Variants in USP35 observed in about 807,000 individuals in gnomAD.
USP35 encodes the protein ubiquitin carboxyl-terminal hydrolase 35.
A neutral mutation model predicts 83.8 loss-of-function variants in USP35; 69 were observed. That is an observed-to-expected ratio of 0.82 (90% CI 0.68 to 1.01). The LOEUF (loss-of-function observed/expected upper bound fraction) is 1.01. Ranked by LOEUF, USP35 falls within the 50% of genes least tolerant of loss-of-function variation. The pLI, the probability that USP35 is intolerant of heterozygous loss-of-function variation, is 0.00. For synonymous variants in USP35, 714 were observed against 589.5 expected (o/e 1.21, Z -3.06); for missense variants, 1,503 against 1,362.5 (o/e 1.10, Z -1.62).
chr11:78,210,406 G>T lies in USP35; in HGVS notation c.2551G>T (p.Val851Leu), dbSNP rs1246132230. 1 of 1,614,004 alleles carries T rather than the reference G, an allele frequency of 6.2e-7. No individual in the cohort carries two copies. Among genetic ancestry groups the T allele is most frequent in the South Asian group, 1.1e-5 (1 of 91,090 alleles). ...RGQAYDLCSV[V>L]VHSGVSSESG... ...CCAGGCCTATGACCTCTGCAGTGTGGTGGTGCACTCTGGAGTGTCTTCGGA... is the reference window on the plus strand; with the variant it reads ...CCAGGCCTATGACCTCTGCAGTGTGTTGGTGCACTCTGGAGTGTCTTCGGA... Residue 851 changes from valine (V) to leucine (L), a missense_variant, in exon 10 of 11, where the codon GTG (valine) becomes TTG (leucine). Val to Leu is a conservative substitution (Grantham distance 32). Coordinates refer to ENST00000529308, the MANE Select transcript of USP35 (RefSeq NM_020798.4).
chr11:78,209,797 A>G lies in USP35; in HGVS notation c.1942A>G (p.Ile648Val), dbSNP rs1245269327. ...VGPRRQRKHC[I>V]TEDTPPTSLY... ...TCCTCGGAGGCAAAGGAAACACTGC[A>G]TCACAGAGGACACCCCCCCCACCAG... Residue 648 changes from isoleucine to valine, a missense_variant, in exon 10 of 11, where the codon ATC (isoleucine) becomes GTC (valine). Physicochemically the swap from Ile to Val is conservative, Grantham distance 29. Transcript: ENST00000529308. 8 of 1,613,884 alleles carry G rather than the reference A, an allele frequency of 5.0e-6. No homozygotes were observed. Among genetic ancestry groups the G allele is most frequent in the East Asian group, 2.2e-5 (1 of 44,850 alleles).
intron 1 of USP35, among the ~76,000 whole-genome samples, chr11:78,195,338 G>T (rs929478510): frequency 6.6e-6 from 1 of 152,186 alleles, no homozygotes; most frequent in Non-Finnish European, 1.5e-5. Flanking sequence ...AGAGCATGGT[G>T]GTCGTGGGGG....
chr11:78,206,723 G>C lies in USP35; in HGVS notation c.1391+688G>C, dbSNP rs576801196. On this transcript the variant is annotated intron_variant, in intron 7 of 10. Coordinates refer to ENST00000529308, the MANE Select transcript of USP35 (RefSeq NM_020798.4). ...TTACTAGAAAAACGGTCACGTGCTTGTATGGTGGTTGTGATGTTAAAATGC... is the reference window on the plus strand; with the variant it reads ...TTACTAGAAAAACGGTCACGTGCTTCTATGGTGGTTGTGATGTTAAAATGC... 2.8e-4 allele frequency among the ~76,000 whole-genome samples: 43 copies of C among 152,332 alleles called. 1 individual carries two copies. In the South Asian group the frequency reaches 8.3e-3, roughly 29 times the overall value.
At chr11:78,233,902 C>A in the USP35 span, among the ~76,000 whole-genome samples, 10 of 152,234 alleles carry the variant, frequency 6.6e-5, no homozygotes, top group African/African-American at 9.6e-5. Context: ...TGGGCCACCA[C>A]GCCCAGCCCA....
At position 78,214,234 on chromosome 11, in the gene USP35, A is replaced by AGAGAGGCGG. The variant is rs1275222810; in HGVS notation, c.*422_*423insAGAGGCGGG. Reference sequence around the variant, plus strand: ...ACAGCAGGATCCAAGCCTTGCACAAAGGGGTGGGGGGGGCAGTGTCTCCTC... The same window carrying AGAGAGGCGG: ...ACAGCAGGATCCAAGCCTTGCACAAAGAGAGGCGGGGGGTGGGGGGGGCAGTGTCTCCTC... On this transcript the variant is annotated 3_prime_UTR_variant, in exon 11 of 11. Coordinates refer to ENST00000529308, the MANE Select transcript of USP35 (RefSeq NM_020798.4). The AGAGAGGCGG allele has an allele frequency of 4.4e-4, 42 of 96,190 alleles. 1 individual carries two copies. Among genetic ancestry groups the AGAGAGGCGG allele is most frequent in the African/African-American group, 2.1e-3 (42 of 19,646 alleles). The allele number at this position is 96,190 out of a possible 1,614,324, so 6.0% of individuals were successfully genotyped here.
In USP35 at chr11:78,199,744, C is replaced by T. The variant is rs756256371; in HGVS notation, c.936+20C>T. On this transcript the variant is annotated intron_variant, in intron 4 of 10. Coordinates refer to ENST00000529308, the MANE Select transcript of USP35 (RefSeq NM_020798.4). ...GAGAAGGTTGGTGCCCCTGTCCTAG[C>T]CCAGAGTTACAGCCTTTTGTACTAG... The T allele has an allele frequency of 3.1e-6, 5 of 1,614,126 alleles. No individual in the cohort carries two copies. Among genetic ancestry groups the T allele is most frequent in the Non-Finnish European group, 3.4e-6 (4 of 1,179,994 alleles).
chr11:78,213,887 C>A lies in USP35; in HGVS notation c.*74C>A. The A allele has an allele frequency of 2.0e-6, 3 of 1,499,496 alleles. No homozygotes were observed. In the South Asian group the frequency reaches 4.1e-5, roughly 20 times the overall value. 92.9% of individuals were successfully genotyped at this position (1,499,496 alleles called of 1,614,324 possible). A position where few individuals can be genotyped will look rare whatever the true frequency, so the allele number is the denominator to read the frequency against. The stretch of plus-strand genomic sequence containing the variant: ...GCCTGAGGGAAGCTGTGGAGGCAGG[C>A]CCTACCAAGAGGAAGGATGGTACAG... On this transcript the variant is annotated 3_prime_UTR_variant, in exon 11 of 11. Coordinates refer to ENST00000529308, the MANE Select transcript of USP35 (RefSeq NM_020798.4).
the USP35 span, among the ~76,000 whole-genome samples, chr11:78,227,469 A>G: frequency 6.6e-6 from 1 of 152,108 alleles, no homozygotes; most frequent in Non-Finnish European, 1.5e-5. Flanking sequence ...AAACTAGCCC[A>G]TGGGTATTGA....
At chr11:78,222,162 G>A in the USP35 span, 2 of 1,614,004 alleles carry the variant, frequency 1.2e-6, no homozygotes, top group Non-Finnish European at 1.7e-6. Context: ...ATCGATGACG[G>A]TGTTGTTCCT....
At position 78,213,962 on chromosome 11, in the gene USP35, TCA is replaced by T. The variant is rs200910274; in HGVS notation, c.*150_*151del. On this transcript the variant is annotated 3_prime_UTR_variant, in exon 11 of 11. Transcript: ENST00000529308. ...TGATGAAGGGTACACAGAGATTCTC[TCA>T]GATATGGAAGTAAGACCTAAGTCCC... The T allele has an allele frequency of 1.7e-3, 1,454 of 861,970 alleles. 15 individuals are homozygous for T. In the African/African-American group the frequency reaches 0.023, roughly 14 times the overall value. 53.4% of individuals were successfully genotyped at this position (861,970 alleles called of 1,614,324 possible). A position where few individuals can be genotyped will look rare whatever the true frequency, so the allele number is the denominator to read the frequency against.
In USP35 at chr11:78,210,061, C is replaced by T; in HGVS notation, c.2206C>T (p.Leu736=). ...TGAGCAGGAAAAGGAAGAAGACAGC[C>T]TGGGAGCGGGGACCCACCCGGATGC... ...EAEQEKEEDS[L]GAGTHPDAAI... is the part of the protein sequence containing the mutation. Residue 736 remains leucine (L), a synonymous_variant, in exon 10 of 11, where the codon CTG becomes TTG. Coordinates refer to ENST00000529308, the MANE Select transcript of USP35 (RefSeq NM_020798.4). 1.2e-6 allele frequency: 2 copies of T among 1,613,892 alleles called. No homozygotes were observed. Among genetic ancestry groups the T allele is most frequent in the Non-Finnish European group, 1.7e-6 (2 of 1,179,894 alleles).
At chr11:78,230,489 C>G in the USP35 span, among the ~76,000 whole-genome samples, 11 of 152,258 alleles carry the variant, frequency 7.2e-5, no homozygotes, top group African/African-American at 2.7e-4. Flanking sequence ...ATCATTCCTT[C>G]CTCTGTGCTA....
chr11:78,196,476 C>G lies in USP35; in HGVS notation c.231C>G (p.Ala77=). 4 of 1,243,780 alleles carry G rather than the reference C, an allele frequency of 3.2e-6. No homozygotes were observed. The highest frequency in any genetic ancestry group is 4.0e-6 in the Non-Finnish European group (4 of 992,296). The allele number at this position is 1,243,780 out of a possible 1,614,324, so 77.0% of individuals were successfully genotyped here. A position where few individuals can be genotyped will look rare whatever the true frequency, so the allele number is the denominator to read the frequency against. Residue 77 remains alanine (A), a synonymous_variant, in exon 2 of 11, where the codon GCC becomes GCG. Transcript: ENST00000529308. This position sits in a 1 kb window ranked among gnomAD's most constrained non-coding sequence, Gnocchi z 4.8. The part of the protein sequence containing the change: ...VAGRHHPDVF[A]EFFSARRVLR... ...GCCGCCACCACCCCGACGTCTTCGCCGAGTTCTTCAGCGCGCGTCGCGTGC... is the reference window on the plus strand; with the variant it reads ...GCCGCCACCACCCCGACGTCTTCGCGGAGTTCTTCAGCGCGCGTCGCGTGC...
At chr11:78,198,538 C>T (rs1374955236) in intron 3 of USP35, 1 of 868,436 alleles carries the variant, frequency 1.2e-6, no homozygotes, top group Non-Finnish European at 1.4e-6. Context: ...GACGCACCTG[C>T]CTGTCCAGTT....
chr11:78,228,833 G>A, the USP35 span, among the ~76,000 whole-genome samples: 1 of 152,116 alleles, frequency 6.6e-6, no homozygotes, highest in Non-Finnish European at 1.5e-5. Context: ...AAGAGGACGG[G>A]GGTGGCGGGG....
At chr11:78,204,393 G>T (rs1004294920) in intron 6 of USP35, among the ~76,000 whole-genome samples, 1 of 152,228 alleles carries the variant, frequency 6.6e-6, no homozygotes, top group East Asian at 1.9e-4. Context: ...GACTTAGGCA[G>T]ATGTATCAGG....
Position 78,205,975 on chromosome 11 carries a change from T to G in USP35, c.1331T>G (p.Ile444Ser), listed in dbSNP as rs1863517412. The G allele has an allele frequency of 6.2e-7, 1 of 1,614,126 alleles. No individual in the cohort carries two copies. Among genetic ancestry groups the G allele is most frequent in the Admixed American group, 1.7e-5 (1 of 60,006 alleles). ...AKSDTGKIGL[I>S]NLGNTCYVNS... Reference sequence around the variant, plus strand: ...TCAGACACGGGCAAGATTGGTCTCATCAACCTGGGCAACACATGCTATGTC... The same window carrying G: ...TCAGACACGGGCAAGATTGGTCTCAGCAACCTGGGCAACACATGCTATGTC... The change falls in exon 7 of 11, where the codon ATC (isoleucine) becomes AGC (serine). Residue 444 changes from isoleucine to serine, a missense_variant. Transcript: ENST00000529308.
chr11:78,214,110 C>A lies in USP35; in HGVS notation c.*297C>A, dbSNP rs114175884. 6.5e-6 allele frequency: 2 copies of A among 309,040 alleles called. No individual in the cohort carries two copies. The highest frequency in any genetic ancestry group is 6.9e-5 in the East Asian group (1 of 14,598). 19.1% of individuals were successfully genotyped at this position (309,040 alleles called of 1,614,324 possible). A position where few individuals can be genotyped will look rare whatever the true frequency, so the allele number is the denominator to read the frequency against. On this transcript the variant is annotated 3_prime_UTR_variant, in exon 11 of 11. Transcript: ENST00000529308. Reference sequence around the variant, plus strand: ...CTCCTTCCCTAGCAGGCTCCCCATGCGGGAAGATCTGATGATGTTCAGGAA... The same window carrying A: ...CTCCTTCCCTAGCAGGCTCCCCATGAGGGAAGATCTGATGATGTTCAGGAA...
intron 6 of USP35, among the ~76,000 whole-genome samples, chr11:78,204,771 T>C (rs1260144166): frequency 6.6e-6 from 1 of 152,216 alleles, no homozygotes; most frequent in African/African-American, 2.4e-5. Flanking sequence ...GTTATGTGTG[T>C]GTGTTTTTAA....
Sources: allele counts gnomAD v4.1 joint callset (sites outside exome capture counted in the v4.1 genomes callset), GRCh38; gene constraint gnomAD v4.1.1; non-coding constraint Gnocchi (gnomAD v3.1); transcripts MANE v1.5; gene names NCBI Gene and HGNC (gene_info 2026-07-23, HGNC 2026-07-21).